CUX2: variants seen among roughly 807,000 people sequenced by gnomAD.
CUX2 encodes the protein cut like homeobox 2, also known as homeobox protein cut-like 2.
CUX2 carries 40 observed loss-of-function variants against 144.8 expected under a neutral mutation model. The ratio of observed to expected loss-of-function variants is 0.28; its 90% CI spans 0.21 to 0.36. CUX2 has a LOEUF of 0.36. Among genes scored for constraint, CUX2 ranks in the 10% least tolerant of loss-of-function variants. The pLI, the probability that CUX2 is intolerant of heterozygous loss-of-function variation, is 1.00. For synonymous variants in CUX2, 827 were observed against 875.6 expected (o/e 0.94, Z 0.98); for missense variants, 1,615 against 1,994.0 (o/e 0.81, Z 3.62).
chr12:111,150,055 A>G (rs1026875054), intron 1 of CUX2, among the ~76,000 whole-genome samples: 7 of 152,186 alleles, frequency 4.6e-5, no homozygotes, highest in Non-Finnish European at 1.0e-4. Flanking sequence ...GAAAATGTAC[A>G]TGTCAGCTGA....
intron 1 of CUX2, among the ~76,000 whole-genome samples, chr12:111,136,024 G>T (rs946874572): frequency 5.3e-5 from 8 of 152,116 alleles, no homozygotes; most frequent in Non-Finnish European, 1.0e-4. Context: ...GTGGGTGCGG[G>T]GCCCGGGTGA....
chr12:111,081,517 G>T (rs1340553143), intron 1 of CUX2, among the ~76,000 whole-genome samples: 1 of 152,078 alleles, frequency 6.6e-6, no homozygotes, highest in Non-Finnish European at 1.5e-5. Flanking sequence ...CCTCACCCAG[G>T]ACTCTTAATT....
chr12:111,251,694 T>C (rs753174064), intron 3 of CUX2, among the ~76,000 whole-genome samples: 5 of 152,200 alleles, frequency 3.3e-5, no homozygotes, highest in Admixed American at 6.5e-5. Flanking sequence ...TGGGAATAAT[T>C]ACAAATATTA....
intron 1 of CUX2, among the ~76,000 whole-genome samples, chr12:111,207,453 G>A (rs1880981713): frequency 6.6e-6 from 1 of 152,172 alleles, no homozygotes; most frequent in Non-Finnish European, 1.5e-5. Context: ...ATGGACGAGT[G>A]GATGGGTAGA....
intron 1 of CUX2, among the ~76,000 whole-genome samples, chr12:111,089,053 A>G (rs1227829538): frequency 8.5e-5 from 13 of 152,204 alleles, no homozygotes; most frequent in African/African-American, 2.7e-4. Flanking sequence ...GACATTTTAC[A>G]GGTGAGGAGA....
At chr12:111,084,532 A>G (rs1439435216) in intron 1 of CUX2, among the ~76,000 whole-genome samples, 2 of 150,418 alleles carry the variant, frequency 1.3e-5, no homozygotes, top group Non-Finnish European at 2.9e-5. Flanking sequence ...ACTGGCTATT[A>G]CGGAAATAGT....
At chr12:111,303,189 C>T (rs1429537581) in intron 9 of CUX2, among the ~76,000 whole-genome samples, 4 of 144,118 alleles carry the variant, frequency 2.8e-5, no homozygotes, top group Non-Finnish European at 6.0e-5. Flanking sequence ...CCACTGCACT[C>T]CAGCCTGGGT....
chr12:111,100,025 G>A (rs1368192564), intron 1 of CUX2: 1 of 457,126 alleles, frequency 2.2e-6, no homozygotes, highest in Admixed American at 2.3e-5. Flanking sequence ...TTATTTGCCG[G>A]TGGTGCTGCT....
chr12:111,219,198 C>T (rs1256728428), intron 3 of CUX2, among the ~76,000 whole-genome samples: 2 of 152,122 alleles, frequency 1.3e-5, no homozygotes, highest in Non-Finnish European at 2.9e-5. Flanking sequence ...ACACAAATGT[C>T]GCTGATTTCC....
chr12:111,323,997 A>G (rs1887655942), intron 18 of CUX2, among the ~76,000 whole-genome samples: 1 of 152,124 alleles, frequency 6.6e-6, no homozygotes, highest in Non-Finnish European at 1.5e-5. Flanking sequence ...TGATCATGCC[A>G]CTGCAGTGCA....
At chr12:111,248,998 T>A (rs1056000371) in intron 3 of CUX2, among the ~76,000 whole-genome samples, 2 of 152,086 alleles carry the variant, frequency 1.3e-5, no homozygotes, top group Admixed American at 6.5e-5. Context: ...CACTGGAGGG[T>A]CCAAGAAAAT....
At chr12:111,116,508 C>T (rs1488332837) in intron 1 of CUX2, among the ~76,000 whole-genome samples, 1 of 152,068 alleles carries the variant, frequency 6.6e-6, no homozygotes, top group African/African-American at 2.4e-5. Flanking sequence ...TAATTAAATC[C>T]CCAGGGTGAG....
chr12:111,181,063 G>C (rs905774526), intron 1 of CUX2, among the ~76,000 whole-genome samples: 8 of 152,250 alleles, frequency 5.3e-5, no homozygotes, highest in African/African-American at 1.9e-4. Flanking sequence ...CAGCTGCAGA[G>C]AGAAGAATGC....
chr12:111,193,734 T>C (rs1385202497), intron 1 of CUX2, among the ~76,000 whole-genome samples: 1 of 151,788 alleles, frequency 6.6e-6, no homozygotes, highest in East Asian at 1.9e-4. Flanking sequence ...CTGGCTGGAG[T>C]GGGCAGCACT....
intron 18 of CUX2, among the ~76,000 whole-genome samples, chr12:111,326,853 G>A (rs573569911): frequency 1.2e-3 from 179 of 152,194 alleles, no homozygotes; most frequent in Non-Finnish European, 2.3e-3. Context: ...GCAGTGAGCC[G>A]GATGGCACCA....
At chr12:111,131,148 G>A (rs957638879) in intron 1 of CUX2, among the ~76,000 whole-genome samples, 15 of 152,320 alleles carry the variant, frequency 9.8e-5, no homozygotes, top group East Asian at 1.9e-4. Context: ...ACATGGCTGC[G>A]GTGGCCTCAG....
chr12:111,279,764 G>A (rs547074138), intron 4 of CUX2, among the ~76,000 whole-genome samples: 50 of 152,164 alleles, frequency 3.3e-4, no homozygotes, highest in African/African-American at 1.1e-3. Flanking sequence ...CCAGCAGATC[G>A]CAAGGTCAAG....
At chr12:111,161,921 A>C (rs1411035864) in intron 1 of CUX2, among the ~76,000 whole-genome samples, 1 of 152,162 alleles carries the variant, frequency 6.6e-6, no homozygotes, top group African/African-American at 2.4e-5. Flanking sequence ...TTTTCTGTAG[A>C]GACAGGGTAT....
chr12:111,338,291 C>T lies in CUX2; in HGVS notation c.3202C>T (p.Arg1068Trp). 1 of 1,607,070 alleles carries T rather than the reference C, an allele frequency of 6.2e-7. No homozygotes were observed. The highest frequency in any genetic ancestry group is 8.5e-7 in the Non-Finnish European group (1 of 1,176,288). Residue 1068 changes from arginine (R) to tryptophan (W), a missense_variant, in exon 20 of 22, where the codon CGG becomes TGG. By Grantham distance (101) the Arg-to-Trp change is moderately radical (BLOSUM62 -3). Coordinates refer to ENST00000261726, the MANE Select transcript of CUX2 (RefSeq NM_015267.4). ...EVLTDNNLGQ[R>W]LFGESILGLT... Reference sequence around the variant, plus strand: ...CTCCCCTCCCCTATCCCCAGGGCAGCGGCTGTTTGGGGAAAGCATCCTGGG... The same window carrying T: ...CTCCCCTCCCCTATCCCCAGGGCAGTGGCTGTTTGGGGAAAGCATCCTGGG...
Sources: gnomAD v4.1 joint callset for allele counts (sites outside exome capture counted in the v4.1 genomes callset) on GRCh38, gnomAD v4.1.1 for gene constraint, MANE v1.5 for transcripts, NCBI Gene and HGNC (gene_info 2026-07-23, HGNC 2026-07-21) for gene names.